The following PPM1G variants were observed in gnomAD, a reference collection of about 807,000 sequenced individuals.
The protein encoded by PPM1G is protein phosphatase 1G.
PPM1G carries 12 observed loss-of-function variants against 59.4 expected under a neutral mutation model. The observed-to-expected ratio is 0.20, with a 90% CI of 0.13 to 0.33. The LOEUF is 0.33. Among genes scored for constraint, PPM1G ranks in the 10% least tolerant of loss-of-function variants. PPM1G has a pLI of 1.00. For synonymous variants in PPM1G, 245 were observed against 251.9 expected (o/e 0.97, Z 0.26); for missense variants, 392 against 681.3 (o/e 0.58, Z 4.73).
intron 1 of PPM1G, among the ~76,000 whole-genome samples, chr2:27,397,268 G>T (rs1684072741): frequency 6.6e-6 from 1 of 151,876 alleles, no homozygotes; most frequent in Non-Finnish European, 1.5e-5. Flanking sequence ...AACATTTACA[G>T]AAAAATTAAT....
chr2:27,409,221 G>A (rs1039024470), intron 1 of PPM1G, 82 bp downstream of exon 1: 22 of 1,484,476 alleles, frequency 1.5e-5, no homozygotes, highest in Non-Finnish European at 1.9e-5. Context: ...ACCCTTCCCA[G>A]GGGAGGACCC....
chr2:27,386,601 CTGGAGTGCAGTGGCA>C (rs1683770601), intron 2 of PPM1G: 1 of 197,840 alleles, frequency 5.1e-6, no homozygotes, highest in African/African-American at 2.3e-5. Flanking sequence ...GTTGCCCAGG[CTGGAGTGCAGTGGCA>C]TGGTCTTGGC....
At chr2:27,398,650 C>T (rs924369746) in intron 1 of PPM1G, among the ~76,000 whole-genome samples, 3 of 150,932 alleles carry the variant, frequency 2.0e-5, no homozygotes, top group Non-Finnish European at 4.4e-5. Flanking sequence ...GGTGAAACCC[C>T]GTCTCTACTA....
intron 1 of PPM1G, among the ~76,000 whole-genome samples, chr2:27,388,982 T>A (rs1046356699): frequency 2.0e-5 from 3 of 150,516 alleles, no homozygotes; most frequent in Non-Finnish European, 3.0e-5. Context: ...TTTTCGACAT[T>A]CATTTTTAAA....
chr2:27,399,173 A>AAC lies in PPM1G; in HGVS notation c.120+10129_120+10130insGT, dbSNP rs1278435300. Reference sequence around the variant, plus strand: ...ACAACAACAACAACAACAACAACAAAAACAAAACAAAAAAAGAAAGCAAAA... The same window carrying AAC: ...ACAACAACAACAACAACAACAACAAAACAACAAAACAAAAAAAGAAAGCAAAA... On this transcript the variant is annotated intron_variant, in intron 1 of 9. Transcript: ENST00000344034. 4.6e-3 allele frequency among the ~76,000 whole-genome samples: 464 copies of AAC among 99,932 alleles called. 6 individuals carry two copies. The highest frequency in any genetic ancestry group is 0.02 in the African/African-American group (435 of 22,220). 65.6% of individuals were successfully genotyped at this position (99,932 alleles called of 152,430 possible).
chr2:27,409,480 G>A lies in PPM1G; in HGVS notation c.-58C>T. ...AAAGCTGGGCGCGACCCGTGCCGGA[G>A]CCGAAGCCCCGGGGGTGCGCGCGGC... On this transcript the variant is annotated 5_prime_UTR_variant, in exon 1 of 10. Transcript: ENST00000344034. The A allele has an allele frequency of 7.1e-7, 1 of 1,416,658 alleles. No individual in the cohort carries two copies. The highest frequency in any genetic ancestry group is 1.5e-5 in the South Asian group (1 of 66,092). The allele number at this position is 1,416,658 out of a possible 1,614,324, so 87.8% of individuals were successfully genotyped here. A position where few individuals can be genotyped will look rare whatever the true frequency, so the allele number is the denominator to read the frequency against.
Position 27,386,198 on chromosome 2 carries a change from T to C in PPM1G, c.272A>G (p.Gln91Arg), listed in dbSNP as rs1683759714. The C allele has an allele frequency of 6.2e-7, 1 of 1,612,502 alleles. No homozygotes were observed. The highest frequency in any genetic ancestry group is 8.5e-7 in the Non-Finnish European group (1 of 1,178,616). Residue 91 changes from glutamine to arginine, a missense_variant, in exon 3 of 10, where the codon CAG becomes CGG. Gln to Arg is a conservative substitution (Grantham distance 43, BLOSUM62 1). Transcript: ENST00000344034. ...DQKAYKEGKL[Q>R]KALEDAFLAI... ...GGGCGGTGTAAGCAGACAGACCTTC[T>C]GTAGCTTGCCTTCCTTGTAGGCCTT... is the stretch of plus-strand genomic sequence containing the variant.
At position 27,385,337 on chromosome 2, in the gene PPM1G, A is replaced by G; in HGVS notation, c.410-249T>C. On this transcript the variant is annotated intron_variant, in intron 4 of 9. Coordinates refer to ENST00000344034, the MANE Select transcript of PPM1G (RefSeq NM_177983.3). The surrounding 1 kb of genome is among the most constrained non-coding windows in gnomAD (Gnocchi z 4.1). ...TACTATACTTCCCCTCTGACGTCTC[A>G]TTTTTTATTGTTAAGTTGTAAAAAC... 2 of 464,764 alleles carry G rather than the reference A, an allele frequency of 4.3e-6. No individual in the cohort carries two copies. The highest frequency in any genetic ancestry group is 8.4e-5 in the South Asian group (2 of 23,790). 28.8% of individuals were successfully genotyped at this position (464,764 alleles called of 1,614,324 possible). A position where few individuals can be genotyped will look rare whatever the true frequency, so the allele number is the denominator to read the frequency against.
chr2:27,406,891 G>A (rs931010633), intron 1 of PPM1G, among the ~76,000 whole-genome samples: 1 of 151,994 alleles, frequency 6.6e-6, no homozygotes, highest in Non-Finnish European at 1.5e-5. Flanking sequence ...AAATGCCATG[G>A]AAATGGAACT....
chr2:27,404,448 G>T (rs1663291756), intron 1 of PPM1G, among the ~76,000 whole-genome samples: 1 of 151,816 alleles, frequency 6.6e-6, no homozygotes, highest in African/African-American at 2.4e-5. Flanking sequence ...TATTTGGAAG[G>T]CTGAGGCAGG....
intron 1 of PPM1G, among the ~76,000 whole-genome samples, chr2:27,387,964 A>G (rs1256925294): frequency 4.6e-5 from 7 of 151,010 alleles, no homozygotes; most frequent in Admixed American, 1.3e-4. Context: ...ACACCCGGCT[A>G]ATTTTTTGTA....
intron 1 of PPM1G, among the ~76,000 whole-genome samples, chr2:27,396,756 A>G (rs1232502097): frequency 1.3e-5 from 2 of 149,370 alleles, no homozygotes; most frequent in Non-Finnish European, 3.0e-5. Flanking sequence ...CAGAGGTTGC[A>G]GTGAGCCAAG....
Position 27,381,216 on chromosome 2 carries a change from G to C in PPM1G, c.*383C>G. On this transcript the variant is annotated 3_prime_UTR_variant, in exon 10 of 10. Coordinates refer to ENST00000344034, the MANE Select transcript of PPM1G (RefSeq NM_177983.3). Reference sequence around the variant, plus strand: ...GCGTACGATTAGGTTTTGGCCTTTAGTCTGAAAAAGTGTTGATTGAAAGTG... The same window carrying C: ...GCGTACGATTAGGTTTTGGCCTTTACTCTGAAAAAGTGTTGATTGAAAGTG... 1 of 305,594 alleles carries C rather than the reference G, an allele frequency of 3.3e-6. No individual in the cohort carries two copies. Among genetic ancestry groups the C allele is most frequent in the Non-Finnish European group, 6.2e-6 (1 of 161,024 alleles). 18.9% of individuals were successfully genotyped at this position (305,594 alleles called of 1,614,324 possible).
chr2:27,400,172 G>T (rs543016469), intron 1 of PPM1G, among the ~76,000 whole-genome samples: 1 of 150,500 alleles, frequency 6.6e-6, no homozygotes, highest in Non-Finnish European at 1.5e-5. Context: ...CGAGGCAGGC[G>T]GATTGCCTGA....
chr2:27,388,432 A>G (rs768922927), intron 1 of PPM1G, among the ~76,000 whole-genome samples: 27 of 152,194 alleles, frequency 1.8e-4, no homozygotes, highest in Non-Finnish European at 2.6e-4. Context: ...AAATAAAATA[A>G]AAAACAGTTG....
intron 1 of PPM1G, among the ~76,000 whole-genome samples, chr2:27,402,962 A>G (rs929091318): frequency 6.6e-6 from 1 of 151,386 alleles, no homozygotes; most frequent in African/African-American, 2.4e-5. Context: ...GCATGTGCCT[A>G]TATTAGGCTG....
chr2:27,393,327 T>G, intron 1 of PPM1G: 1 of 1,597,650 alleles, frequency 6.3e-7, no homozygotes, highest in South Asian at 1.1e-5. Context: ...TGAGTCTTGG[T>G]GGTAGTTCTG....
chr2:27,392,610 T>TGGG (rs1367753415), intron 1 of PPM1G, among the ~76,000 whole-genome samples: 1 of 82,886 alleles, frequency 1.2e-5, no homozygotes, highest in Non-Finnish European at 2.4e-5. Context: ...CATTTTTTTT[T>TGGG]TGGGGGGGGG....
At position 27,392,847 on chromosome 2, in the gene PPM1G, T is replaced by A. The variant is rs1260323; in HGVS notation, c.121-5689A>T. ...CAAAGAGGTATTCTGCCACGCCAGA[T>A]TCGGGCGCTCCCATCTCGTGCATGT... On this transcript the variant is annotated intron_variant, in intron 1 of 9. Coordinates refer to ENST00000344034, the MANE Select transcript of PPM1G (RefSeq NM_177983.3). 9.1e-3 allele frequency: 13,418 copies of A among 1,477,388 alleles called. 992 individuals are homozygous for A. The African/African-American group carries it at 0.16, about 18-fold the overall frequency. 91.5% of individuals were successfully genotyped at this position (1,477,388 alleles called of 1,614,324 possible). A position where few individuals can be genotyped will look rare whatever the true frequency, so the allele number is the denominator to read the frequency against.
Sources: gnomAD v4.1 joint callset for allele counts (sites outside exome capture counted in the v4.1 genomes callset) on GRCh38, gnomAD v4.1.1 for gene constraint, Gnocchi (gnomAD v3.1) non-coding constraint, MANE v1.5 for transcripts, NCBI Gene and HGNC (gene_info 2026-07-23, HGNC 2026-07-21) for gene names.